The following CHSY3 variants were observed in gnomAD, a reference collection of about 807,000 sequenced individuals.
The protein encoded by CHSY3 is chondroitin sulfate synthase 3.
A neutral mutation model predicts 67.2 loss-of-function variants in CHSY3; 35 were observed. The observed-to-expected ratio is 0.52, with a 90% confidence interval of 0.40 to 0.69. CHSY3 has a LOEUF of 0.69. Among genes scored for constraint, CHSY3 ranks in the 30% least tolerant of loss-of-function variants. CHSY3 has a pLI of 0.00. For synonymous variants in CHSY3, 474 were observed against 434.7 expected (o/e 1.09, Z -1.12); for missense variants, 1,069 against 1,138.5 (o/e 0.94, Z 0.88).
chr5:129,938,189 C>T (rs558472056), intron 2 of CHSY3, among the ~76,000 whole-genome samples: 87 of 152,296 alleles, frequency 5.7e-4, no homozygotes, highest in Admixed American at 2.4e-3. Context: ...TTAGCCATGG[C>T]TAGAGCTGGA....
intron 2 of CHSY3, among the ~76,000 whole-genome samples, chr5:130,143,802 A>ATGTG (rs1218011051): frequency 5.3e-5 from 3 of 56,606 alleles, no homozygotes; most frequent in African/African-American, 2.6e-4. Flanking sequence ...ATATATATAT[A>ATGTG]TATGTGTGTA....
chr5:129,929,318 T>C (rs1761221877), intron 2 of CHSY3, among the ~76,000 whole-genome samples: 1 of 152,244 alleles, frequency 6.6e-6, no homozygotes, highest in African/African-American at 2.4e-5. Context: ...AGGAAAAATA[T>C]GTAAGAATAA....
At chr5:130,025,594 A>G (rs980929251) in intron 2 of CHSY3, among the ~76,000 whole-genome samples, 5 of 152,030 alleles carry the variant, frequency 3.3e-5, no homozygotes, top group Non-Finnish European at 7.4e-5. Context: ...TTTATTTCTC[A>G]CTGTTCTGGA....
intron 2 of CHSY3, among the ~76,000 whole-genome samples, chr5:130,138,410 C>T (rs931320218): frequency 6.6e-6 from 1 of 152,176 alleles, no homozygotes. Context: ...GGAAGGACCA[C>T]AGGGCCACAT....
intron 2 of CHSY3, among the ~76,000 whole-genome samples, chr5:130,170,040 GT>G (rs1386691972): frequency 6.6e-6 from 1 of 152,066 alleles, no homozygotes; most frequent in Non-Finnish European, 1.5e-5. Flanking sequence ...ACATGGGTAT[GT>G]TGTGTACTAG....
chr5:129,970,339 T>A lies in CHSY3; in HGVS notation c.1086+61979T>A, dbSNP rs1028447319. ...CTCAACATCTTTATTTGTTCGACTT[T>A]AGGGATGGGTAGATGGATGGATGGA... On this transcript the variant is annotated intron_variant, in intron 2 of 2. Coordinates refer to ENST00000305031, the MANE Select transcript of CHSY3 (RefSeq NM_175856.5). 3.3e-5 allele frequency among the ~76,000 whole-genome samples: 5 copies of A among 151,540 alleles called. 1 individual carries two copies. In the Admixed American group the frequency reaches 3.3e-4, roughly 10 times the overall value.
intron 2 of CHSY3, among the ~76,000 whole-genome samples, chr5:130,127,071 T>C (rs1768317346): frequency 1.3e-5 from 2 of 152,222 alleles, no homozygotes; most frequent in African/African-American, 4.8e-5. Flanking sequence ...GATACATATG[T>C]GGACACCATT....
At chr5:130,091,659 C>A (rs919805251) in intron 2 of CHSY3, among the ~76,000 whole-genome samples, 1 of 152,116 alleles carries the variant, frequency 6.6e-6, no homozygotes, top group Non-Finnish European at 1.5e-5. Flanking sequence ...TTAATAGGAC[C>A]ATCATGTGAT....
At chr5:130,050,361 A>T (rs1765300086) in intron 2 of CHSY3, among the ~76,000 whole-genome samples, 1 of 152,160 alleles carries the variant, frequency 6.6e-6, no homozygotes, top group African/African-American at 2.4e-5. Flanking sequence ...TATGTTATTG[A>T]TAAAGGGGTG....
At chr5:130,159,161 CTTTTTTTTTTTTT>C (rs33919002) in intron 2 of CHSY3, among the ~76,000 whole-genome samples, 2 of 98,706 alleles carry the variant, frequency 2.0e-5, no homozygotes, top group Non-Finnish European at 3.9e-5. Context: ...TAAGATTTGT[CTTTTTTTTTTTTT>C]TTTTTTTTGA....
intron 2 of CHSY3, among the ~76,000 whole-genome samples, chr5:130,071,968 A>G (rs928799530): frequency 1.3e-5 from 2 of 151,998 alleles, no homozygotes; most frequent in Admixed American, 1.3e-4. Flanking sequence ...GCATTGTTTC[A>G]TGTATCTGTT....
chr5:130,069,762 A>G (rs1766001657), intron 2 of CHSY3, among the ~76,000 whole-genome samples: 1 of 152,044 alleles, frequency 6.6e-6, no homozygotes, highest in Admixed American at 6.6e-5. Flanking sequence ...TAATAGGTAG[A>G]AATCTCTGAT....
chr5:129,986,558 A>G (rs1226695424), intron 2 of CHSY3, among the ~76,000 whole-genome samples: 3 of 152,084 alleles, frequency 2.0e-5, no homozygotes, highest in African/African-American at 7.2e-5. Context: ...TTAGGGAGGA[A>G]TCCCTAAATC....
At chr5:130,026,813 C>T (rs554589314) in intron 2 of CHSY3, among the ~76,000 whole-genome samples, 1 of 152,142 alleles carries the variant, frequency 6.6e-6, no homozygotes, top group African/African-American at 2.4e-5. Context: ...ATTCTTGTAA[C>T]ATTTTATTCT....
chr5:130,004,188 G>GTTTCTCA (rs1763809562), intron 2 of CHSY3, among the ~76,000 whole-genome samples: 1 of 152,084 alleles, frequency 6.6e-6, no homozygotes, highest in African/African-American at 2.4e-5. Flanking sequence ...AAAGGAAGTT[G>GTTTCTCA]TTTCTCATTT....
At position 130,091,213 on chromosome 5, in the gene CHSY3, G is replaced by A. The variant is rs540404034; in HGVS notation, c.1087-93016G>A. On this transcript the variant is annotated intron_variant, in intron 2 of 2. Coordinates refer to ENST00000305031, the MANE Select transcript of CHSY3 (RefSeq NM_175856.5). ...AGGCTTCTGCTTTCCTCTTATCAGG[G>A]CCATGATTCAGTCCTTTTAGTATGT... 6.4e-4 allele frequency among the ~76,000 whole-genome samples: 97 copies of A among 151,982 alleles called. 1 individual carries two copies. The Middle Eastern group carries it at 0.01, about 16-fold the overall frequency.
intron 2 of CHSY3, among the ~76,000 whole-genome samples, chr5:130,075,693 A>G (rs10075696): frequency 0.47 from 71,933 of 151,928 alleles, 17,606 homozygotes; most frequent in African/African-American, 0.6. Flanking sequence ...TGAGTGCCTT[A>G]GGGAAATGAA....
intron 2 of CHSY3, among the ~76,000 whole-genome samples, chr5:129,910,179 G>C (rs1185373632): frequency 6.6e-6 from 1 of 151,942 alleles, no homozygotes; most frequent in Admixed American, 6.6e-5. Flanking sequence ...TGCAATCTTA[G>C]ATCCTTTTAT....
At chr5:130,043,242 AT>A (rs1484893640) in intron 2 of CHSY3, among the ~76,000 whole-genome samples, 1 of 151,908 alleles carries the variant, frequency 6.6e-6, no homozygotes, top group Non-Finnish European at 1.5e-5. Context: ...CAAATACATA[AT>A]TTTTAATAGA....
Sources: allele counts gnomAD v4.1 joint callset (sites outside exome capture counted in the v4.1 genomes callset), GRCh38; gene constraint gnomAD v4.1.1; transcripts MANE v1.5; gene names NCBI Gene and HGNC (gene_info 2026-07-23, HGNC 2026-07-21).